Variants in SPTLC1 observed in about 807,000 individuals in gnomAD.
The protein encoded by SPTLC1 is serine palmitoyltransferase long chain base subunit 1, also known as serine palmitoyltransferase 1.
In SPTLC1, 55 loss-of-function variants were observed where a neutral mutation model predicts 68.9. That is an observed-to-expected ratio of 0.80 (90% CI 0.64 to 1.00). The LOEUF (loss-of-function observed/expected upper bound fraction) is 1.00, where lower values mean the gene tolerates loss of function less well. Ranked by LOEUF, SPTLC1 falls within the 50% of genes least tolerant of loss-of-function variation. SPTLC1 has a pLI of 0.00. For missense variants in SPTLC1, 449 were observed against 573.1 expected (o/e 0.78, Z 2.21); for synonymous variants, 197 against 201.6 (o/e 0.98, Z 0.19).
intron 3 of SPTLC1, among the ~76,000 whole-genome samples, chr9:92,096,455 CCT>C (rs1408821426): frequency 2.6e-5 from 4 of 152,050 alleles, no homozygotes; most frequent in Non-Finnish European, 4.4e-5. Context: ...AGCAATTATA[CCT>C]CAGTAAAACT....
At chr9:92,042,592 A>T (rs1195686556) in intron 12 of SPTLC1, among the ~76,000 whole-genome samples, 1 of 152,218 alleles carries the variant, frequency 6.6e-6, no homozygotes, top group Non-Finnish European at 1.5e-5. Flanking sequence ...TAGGAATTCC[A>T]TTAAAGGACA....
intron 3 of SPTLC1, among the ~76,000 whole-genome samples, chr9:92,102,369 G>A (rs1475862899): frequency 6.6e-6 from 1 of 152,204 alleles, no homozygotes; most frequent in East Asian, 1.9e-4. Context: ...TATTCAAACT[G>A]AGAATTCTAC....
At chr9:92,097,445 A>AC (rs1451050612) in intron 3 of SPTLC1, among the ~76,000 whole-genome samples, 1 of 152,250 alleles carries the variant, frequency 6.6e-6, no homozygotes, top group Non-Finnish European at 1.5e-5. Flanking sequence ...GCATCAACTG[A>AC]TTAATGTATA....
chr9:92,105,191 C>G, intron 3 of SPTLC1: 1 of 1,534,086 alleles, frequency 6.5e-7, no homozygotes, highest in Non-Finnish European at 8.7e-7. Context: ...GTCGGGGCCA[C>G]CGCTGCAGCT....
At chr9:92,079,797 G>C (rs937728794) in intron 5 of SPTLC1, 7 of 654,430 alleles carry the variant, frequency 1.1e-5, no homozygotes, top group South Asian at 1.8e-5. Flanking sequence ...ATGCACACGA[G>C]GATGAGCCCA....
At chr9:92,072,506 A>C (rs1834532184) in intron 5 of SPTLC1, among the ~76,000 whole-genome samples, 1 of 152,080 alleles carries the variant, frequency 6.6e-6, no homozygotes. Context: ...TGAGGATGCT[A>C]GTGGTTGCTC....
intron 8 of SPTLC1, among the ~76,000 whole-genome samples, chr9:92,053,557 T>C (rs1833784125): frequency 6.6e-6 from 1 of 152,232 alleles, no homozygotes; most frequent in Admixed American, 6.5e-5. Flanking sequence ...CGTGGTATTA[T>C]CCATGCAATG....
At chr9:92,096,392 T>C (rs920036387) in intron 3 of SPTLC1, among the ~76,000 whole-genome samples, 8 of 152,150 alleles carry the variant, frequency 5.3e-5, no homozygotes, top group Non-Finnish European at 1.2e-4. Flanking sequence ...TGTATATATA[T>C]ATAAATATAA....
At chr9:92,072,189 T>A (rs1382298710) in intron 5 of SPTLC1, among the ~76,000 whole-genome samples, 3 of 151,906 alleles carry the variant, frequency 2.0e-5, no homozygotes, top group African/African-American at 7.3e-5. Flanking sequence ...TCCCCTATCC[T>A]CCCCACGCTC....
intron 6 of SPTLC1, among the ~76,000 whole-genome samples, chr9:92,062,909 T>A (rs759826767): frequency 1.8e-4 from 28 of 152,278 alleles, no homozygotes; most frequent in East Asian, 1.2e-3. Flanking sequence ...TTGCACTAAA[T>A]GAACATTCAA....
intron 7 of SPTLC1, among the ~76,000 whole-genome samples, chr9:92,058,426 A>C (rs1245254752): frequency 1.4e-5 from 2 of 147,962 alleles, no homozygotes; most frequent in East Asian, 3.9e-4. Context: ...TCTGAGATGA[A>C]GACACACATC....
At chr9:92,088,399 G>A (rs778846925) in intron 3 of SPTLC1, among the ~76,000 whole-genome samples, 7 of 151,998 alleles carry the variant, frequency 4.6e-5, no homozygotes, top group African/African-American at 1.2e-4. Context: ...GCTGCCCTCC[G>A]GGCTTCTCTT....
intron 8 of SPTLC1, among the ~76,000 whole-genome samples, chr9:92,052,236 C>T (rs1456769689): frequency 6.6e-6 from 1 of 152,106 alleles, no homozygotes; most frequent in Non-Finnish European, 1.5e-5. Context: ...TGGCATAGGA[C>T]AGATATATAG....
At chr9:92,091,746 G>T (rs1587592940) in intron 3 of SPTLC1, among the ~76,000 whole-genome samples, 1 of 152,116 alleles carries the variant, frequency 6.6e-6, no homozygotes, top group East Asian at 1.9e-4. Flanking sequence ...AATGTAAACA[G>T]ATTAAACTCC....
rs572189400 is a variant in SPTLC1 at position 92,106,136 on chromosome 9, A to G, written c.260+2604T>C. Among the ~76,000 whole-genome samples, 140 of 152,198 alleles carry G rather than the reference A, an allele frequency of 9.2e-4. 1 individual carries two copies. The highest frequency in any genetic ancestry group is 3.2e-3 in the African/African-American group (132 of 41,516). On this transcript the variant is annotated intron_variant, in intron 3 of 14. Coordinates refer to ENST00000262554, the MANE Select transcript of SPTLC1 (RefSeq NM_006415.4). ...CTGCCCGGCCCCCTCACCATCTGGG[A>G]AGTGAGGAGCGTCTCTGCCCGCTGC... is the stretch of plus-strand genomic sequence containing the variant.
chr9:92,098,714 T>A (rs1835634631), intron 3 of SPTLC1, among the ~76,000 whole-genome samples: 1 of 149,636 alleles, frequency 6.7e-6, no homozygotes, highest in African/African-American at 2.5e-5. Context: ...AAAAAAAAAA[T>A]TCACCTTCCA....
chr9:92,046,060 G>GA lies in SPTLC1; in HGVS notation c.1082-8dup. The GA allele has an allele frequency of 6.2e-7, 1 of 1,610,486 alleles. No individual in the cohort carries two copies. Among genetic ancestry groups the GA allele is most frequent in the Admixed American group, 1.7e-5 (1 of 59,890 alleles). On this transcript the variant is annotated splice_region_variant and splice_polypyrimidine_tract_variant and intron_variant, in intron 11 of 14. Transcript: ENST00000262554. ...TTCAACACTGCAAAAATACCTAGAT[G>GA]AAAAAAATACGTTTGAGAGTCTATT...
At chr9:92,050,197 C>A (rs1027851786) in intron 8 of SPTLC1, 130 bp from the exon 9 acceptor site, 1 of 676,284 alleles carries the variant, frequency 1.5e-6, no homozygotes, top group Non-Finnish European at 2.6e-6. Flanking sequence ...TGTGCAAATT[C>A]ATCTACTTAT....
intron 1 of SPTLC1, among the ~76,000 whole-genome samples, chr9:92,113,694 G>A (rs757059671): frequency 1.6e-4 from 24 of 152,192 alleles, no homozygotes; most frequent in Non-Finnish European, 3.4e-4. Flanking sequence ...CTTAATACAT[G>A]AGCATAAGAC....
Sources: gnomAD v4.1 joint callset for allele counts (sites outside exome capture counted in the v4.1 genomes callset) on GRCh38, gnomAD v4.1.1 for gene constraint, MANE v1.5 for transcripts, NCBI Gene and HGNC (gene_info 2026-07-23, HGNC 2026-07-21) for gene names.